The following CABIN1 variants were observed in gnomAD, a reference collection of about 807,000 sequenced individuals.
CABIN1 encodes calcineurin-binding protein cabin-1.
A neutral mutation model predicts 227.7 loss-of-function variants in CABIN1; 133 were observed. The observed-to-expected ratio is 0.58, with a 90% confidence interval of 0.51 to 0.67. CABIN1 has a LOEUF of 0.67. Ranked by LOEUF, CABIN1 falls within the 30% of genes least tolerant of loss-of-function variation. CABIN1 has a pLI of 0.00. For missense variants in CABIN1, 2,408 were observed against 2,852.5 expected (o/e 0.84, Z 3.55); for synonymous variants, 1,086 against 1,155.1 (o/e 0.94, Z 1.21).
At chr22:24,119,230 C>T in intron 27 of CABIN1, 137 bp from the exon 28 acceptor site, 1 of 783,596 alleles carries the variant, frequency 1.3e-6, no homozygotes, top group Non-Finnish European at 2.2e-6. Flanking sequence ...GCTGCTGGGT[C>T]CAGCATCCAC....
chr22:24,173,824 A>G (rs575465143), intron 34 of CABIN1, among the ~76,000 whole-genome samples: 1 of 151,880 alleles, frequency 6.6e-6, no homozygotes, highest in Non-Finnish European at 1.5e-5. Context: ...ACAGAGCTAG[A>G]CTCCATCTAA....
At chr22:24,111,874 A>C (rs2042826252) in intron 26 of CABIN1, among the ~76,000 whole-genome samples, 2 of 152,172 alleles carry the variant, frequency 1.3e-5, no homozygotes, top group South Asian at 4.1e-4. Context: ...GGTTGGCTGC[A>C]ATGTCTGGGA....
Position 24,177,085 on chromosome 22 carries a change from C to T in CABIN1, c.6206-419C>T, listed in dbSNP as rs2047159121. 6.6e-6 allele frequency among the ~76,000 whole-genome samples: 1 copy of T among 152,234 alleles called. No homozygotes were observed. The highest frequency in any genetic ancestry group is 2.4e-5 in the African/African-American group (1 of 41,458). On this transcript the variant is annotated intron_variant, in intron 35 of 36. Coordinates refer to ENST00000263119, the MANE Select transcript of CABIN1 (RefSeq NM_012295.4). The surrounding 1 kb of genome is among the most constrained non-coding windows in gnomAD (Gnocchi z 4.4). ...GAAAGTGGATGCCCTGGGGCCAGCT[C>T]AGTGACCATGCCTGGCTGAGCGACC...
chr22:24,128,876 C>T (rs896518055), intron 28 of CABIN1, among the ~76,000 whole-genome samples: 30 of 152,202 alleles, frequency 2.0e-4, no homozygotes, highest in African/African-American at 7.2e-4. Context: ...CCTGGAGTCA[C>T]CATGTAGGAG....
chr22:24,073,304 A>G (rs2040223107), intron 18 of CABIN1, among the ~76,000 whole-genome samples: 1 of 151,968 alleles, frequency 6.6e-6, no homozygotes, highest in South Asian at 2.1e-4. Context: ...CCTAATGCAC[A>G]TCTAGTTTGT....
At chr22:24,085,196 G>A (rs1437062495) in intron 22 of CABIN1, 45 bp downstream of exon 22, 1 of 1,609,960 alleles carries the variant, frequency 6.2e-7, no homozygotes, top group Non-Finnish European at 8.5e-7. Flanking sequence ...AGGGATGACT[G>A]GGGTGACTCC....
intron 26 of CABIN1, among the ~76,000 whole-genome samples, chr22:24,101,069 C>T (rs983641): frequency 6.6e-6 from 1 of 152,176 alleles, no homozygotes; most frequent in African/African-American, 2.4e-5. Flanking sequence ...GCAGCAGCTC[C>T]TGAGTGGGCT....
At chr22:24,141,603 C>T (rs781519026) in intron 29 of CABIN1, among the ~76,000 whole-genome samples, 9 of 152,090 alleles carry the variant, frequency 5.9e-5, no homozygotes, top group Non-Finnish European at 1.2e-4. Flanking sequence ...CCCACCCCCT[C>T]CCAGGACTCA....
rs1341831447 is a variant in CABIN1 at position 24,066,967 on chromosome 22, C to T, written c.2038-20C>T. 1.9e-6 allele frequency: 3 copies of T among 1,613,694 alleles called. No individual in the cohort carries two copies. The highest frequency in any genetic ancestry group is 2.5e-6 in the Non-Finnish European group (3 of 1,179,630). On this transcript the variant is annotated intron_variant, in intron 15 of 36. Coordinates refer to ENST00000263119, the MANE Select transcript of CABIN1 (RefSeq NM_012295.4). ...GGCTGAGGGGTTTACCCTCATACAG[C>T]ATTGCCGGGCCTTTTTCAGATTGAT...
Position 24,072,343 on chromosome 22 carries a change from C to A in CABIN1, c.2476-11C>A. 6.2e-7 allele frequency: 1 copy of A among 1,614,074 alleles called. No homozygotes were observed. On this transcript the variant is annotated splice_polypyrimidine_tract_variant and intron_variant, in intron 17 of 36. Coordinates refer to ENST00000263119, the MANE Select transcript of CABIN1 (RefSeq NM_012295.4). ...GTGACACTTCTGCTGTCTCCCACCC[C>A]GCACTGTCAGGTCATTGACTGCAGC... is the stretch of plus-strand genomic sequence containing the variant.
At chr22:24,100,411 C>T (rs1221341118) in intron 26 of CABIN1, among the ~76,000 whole-genome samples, 1 of 152,238 alleles carries the variant, frequency 6.6e-6, no homozygotes, top group African/African-American at 2.4e-5. Context: ...TAGGGGAAGG[C>T]CCAGGTTCCA....
chr22:24,015,074 G>A (rs902452636), intron 1 of CABIN1, among the ~76,000 whole-genome samples: 10 of 151,788 alleles, frequency 6.6e-5, no homozygotes, highest in Non-Finnish European at 1.3e-4. Flanking sequence ...GACTAGCCTG[G>A]CCAACATGGT....
intron 26 of CABIN1, among the ~76,000 whole-genome samples, chr22:24,104,874 CA>C (rs2147581807): frequency 1.3e-5 from 2 of 152,302 alleles, no homozygotes; most frequent in East Asian, 3.9e-4. Flanking sequence ...TTTTCTGGGG[CA>C]CTAGTCAGAG....
intron 28 of CABIN1, among the ~76,000 whole-genome samples, chr22:24,125,845 G>T (rs2043690609): frequency 1.3e-5 from 2 of 152,192 alleles, no homozygotes; most frequent in Admixed American, 1.3e-4. Context: ...TAGGAATCTT[G>T]ATTTTGTATT....
At chr22:24,154,685 T>C (rs970156485) in intron 29 of CABIN1, among the ~76,000 whole-genome samples, 1 of 152,224 alleles carries the variant, frequency 6.6e-6, no homozygotes, top group African/African-American at 2.4e-5. Context: ...GAGGAGATCC[T>C]GAGGCACTGC....
At chr22:24,042,818 C>T in intron 5 of CABIN1, 86 bp from the exon 6 acceptor site, 1 of 685,056 alleles carries the variant, frequency 1.5e-6, no homozygotes, top group Non-Finnish European at 2.2e-6. Context: ...AGAGATCTGA[C>T]TGTGTGTGTG....
chr22:24,064,518 T>G (rs537644331), intron 15 of CABIN1, among the ~76,000 whole-genome samples: 1 of 148,212 alleles, frequency 6.7e-6, no homozygotes, highest in Non-Finnish European at 1.5e-5. Flanking sequence ...AAAGGTTTTT[T>G]TTTTTTTTTT....
At chr22:24,067,947 T>C (rs561105539) in intron 16 of CABIN1, among the ~76,000 whole-genome samples, 13 of 152,116 alleles carry the variant, frequency 8.5e-5, no homozygotes, top group Non-Finnish European at 1.8e-4. Context: ...CAAAATATGC[T>C]TAGTGGCATT....
intron 29 of CABIN1, among the ~76,000 whole-genome samples, chr22:24,160,705 G>C (rs1271578014): frequency 6.6e-6 from 1 of 152,240 alleles, no homozygotes; most frequent in Admixed American, 6.5e-5. Context: ...CCATGGGCCT[G>C]GGCATGGCCT....
Sources: gnomAD v4.1 joint callset for allele counts (sites outside exome capture counted in the v4.1 genomes callset) on GRCh38, gnomAD v4.1.1 for gene constraint, Gnocchi (gnomAD v3.1) non-coding constraint, MANE v1.5 for transcripts, NCBI Gene and HGNC (gene_info 2026-07-23, HGNC 2026-07-21) for gene names.